Variants in RUNX2 observed in about 807,000 individuals in gnomAD.
The protein encoded by RUNX2 is RUNX family transcription factor 2, also known as runt-related transcription factor 2.
A neutral mutation model predicts 51.7 loss-of-function variants in RUNX2; 10 were observed. That is an observed-to-expected ratio of 0.19 (90% CI 0.12 to 0.33). The LOEUF is 0.33. Ranked by LOEUF, RUNX2 falls within the 10% of genes least tolerant of loss-of-function variation. The pLI is 1.00. For synonymous variants in RUNX2, 276 were observed against 273.6 expected (o/e 1.01, Z -0.09); for missense variants, 562 against 691.3 (o/e 0.81, Z 2.10).
At chr6:45,498,833 T>A (rs1228164390) in intron 6 of RUNX2, among the ~76,000 whole-genome samples, 1 of 152,230 alleles carries the variant, frequency 6.6e-6, no homozygotes, top group Non-Finnish European at 1.5e-5. Context: ...ACTAGTGTAA[T>A]CCTTTCAGAA....
intron 2 of RUNX2, among the ~76,000 whole-genome samples, chr6:45,339,197 G>T (rs1021733248): frequency 6.6e-6 from 1 of 152,064 alleles, no homozygotes; most frequent in Non-Finnish European, 1.5e-5. Context: ...TTCCATTAAA[G>T]AATTCACTAG....
chr6:45,545,177 G>A (rs779180016), intron 7 of RUNX2, 40 bp from the exon 8 acceptor site: 1 of 1,459,416 alleles, frequency 6.9e-7, no homozygotes, highest in South Asian at 1.2e-5. Context: ...GAACATTAGA[G>A]CTGGAAGGGA....
chr6:45,412,681 T>TA (rs1414263309), intron 2 of RUNX2, among the ~76,000 whole-genome samples: 1 of 152,152 alleles, frequency 6.6e-6, no homozygotes, highest in Non-Finnish European at 1.5e-5. Context: ...CTACTTTTTT[T>TA]TTTTTACTCT....
chr6:45,444,252 A>G (rs2150375945), intron 5 of RUNX2, among the ~76,000 whole-genome samples: 1 of 152,304 alleles, frequency 6.6e-6, no homozygotes, highest in Non-Finnish European at 1.5e-5. Context: ...GTTTCTAAAA[A>G]TTTTTGTGTG....
intron 7 of RUNX2, among the ~76,000 whole-genome samples, chr6:45,518,754 G>A (rs1801410034): frequency 6.6e-6 from 1 of 152,080 alleles, no homozygotes; most frequent in Admixed American, 6.5e-5. Flanking sequence ...GCTTTTGCAG[G>A]GATGGCAAAC....
At chr6:45,512,673 A>G (rs1801198198) in intron 7 of RUNX2, among the ~76,000 whole-genome samples, 1 of 152,064 alleles carries the variant, frequency 6.6e-6, no homozygotes, top group Non-Finnish European at 1.5e-5. Context: ...GCTGAATTGT[A>G]TCCCATTTGG....
At chr6:45,374,524 C>T (rs1441539775) in intron 2 of RUNX2, among the ~76,000 whole-genome samples, 3 of 152,176 alleles carry the variant, frequency 2.0e-5, no homozygotes, top group African/African-American at 7.2e-5. Flanking sequence ...ATATTTTACC[C>T]ACTTCAGTAT....
chr6:45,403,670 G>C (rs925723650), intron 2 of RUNX2, among the ~76,000 whole-genome samples: 4 of 151,982 alleles, frequency 2.6e-5, no homozygotes, highest in African/African-American at 9.7e-5. Flanking sequence ...AGTCTTTATT[G>C]AATGCCCATT....
At chr6:45,354,070 C>T (rs1177366908) in intron 2 of RUNX2, among the ~76,000 whole-genome samples, 1 of 152,038 alleles carries the variant, frequency 6.6e-6, no homozygotes, top group Non-Finnish European at 1.5e-5. Context: ...GGGAGGTGCT[C>T]TCATAACTTG....
intron 6 of RUNX2, among the ~76,000 whole-genome samples, chr6:45,503,928 A>G (rs1800874911): frequency 6.6e-6 from 1 of 152,162 alleles, no homozygotes; most frequent in African/African-American, 2.4e-5. Context: ...ATTGTCTTCT[A>G]AGTTTACTAA....
intron 2 of RUNX2, among the ~76,000 whole-genome samples, chr6:45,335,122 TG>T (rs1788293579): frequency 6.6e-6 from 1 of 151,252 alleles, no homozygotes; most frequent in Non-Finnish European, 1.5e-5. Flanking sequence ...CCATGTAACC[TG>T]GGTAAACAAT....
At chr6:45,415,879 T>C (rs1798060184) in intron 2 of RUNX2, among the ~76,000 whole-genome samples, 1 of 152,062 alleles carries the variant, frequency 6.6e-6, no homozygotes, top group Non-Finnish European at 1.5e-5. Context: ...CTGGCACACC[T>C]AGGGAAGAAA....
At chr6:45,537,734 A>T (rs1490124518) in intron 7 of RUNX2, among the ~76,000 whole-genome samples, 2 of 152,186 alleles carry the variant, frequency 1.3e-5, no homozygotes, top group Admixed American at 6.5e-5. Context: ...CCAGCCCATC[A>T]TCAAGCAGCT....
intron 2 of RUNX2, among the ~76,000 whole-genome samples, chr6:45,374,670 CA>C (rs1481379863): frequency 2.0e-5 from 3 of 152,130 alleles, no homozygotes; most frequent in African/African-American, 7.2e-5. Flanking sequence ...AAAATAAAAT[CA>C]GTGTTATTTC....
chr6:45,488,652 A>G (rs141688154), intron 5 of RUNX2, among the ~76,000 whole-genome samples: 1 of 152,314 alleles, frequency 6.6e-6, no homozygotes, highest in Non-Finnish European at 1.5e-5. Context: ...TGGGGCCTGG[A>G]CATCCATGTT....
At chr6:45,419,205 C>A (rs1465859615) in intron 2 of RUNX2, among the ~76,000 whole-genome samples, 1 of 152,214 alleles carries the variant, frequency 6.6e-6, no homozygotes, top group African/African-American at 2.4e-5. Flanking sequence ...CAGGAATTCT[C>A]TGTTCTATGG....
chr6:45,422,843 G>T lies in RUNX2; in HGVS notation c.309G>T (p.Val103=). 6.2e-7 allele frequency: 1 copy of T among 1,610,776 alleles called. No homozygotes were observed. ...LRPPHDNRTM[V]EIIADHPAEL... ...CGCCCCACGACAACCGCACCATGGT[G>T]GAGATCATCGCCGACCACCCGGCCG... The change falls in exon 3 of 9, where the codon GTG becomes GTT. Residue 103 remains valine (V), a synonymous_variant. Coordinates refer to ENST00000647337, the MANE Select transcript of RUNX2 (RefSeq NM_001024630.4).
chr6:45,506,397 TG>T (rs1211141002), intron 6 of RUNX2, among the ~76,000 whole-genome samples: 2 of 152,118 alleles, frequency 1.3e-5, no homozygotes, highest in Admixed American at 1.3e-4. Context: ...GGAGAGAAGT[TG>T]GTGGAGAAAT....
chr6:45,411,635 A>G (rs1797952908), intron 2 of RUNX2, among the ~76,000 whole-genome samples: 1 of 152,186 alleles, frequency 6.6e-6, no homozygotes, highest in South Asian at 2.1e-4. Context: ...AGCCTTTGAA[A>G]AAAAGATATT....
Sources: allele counts gnomAD v4.1 joint callset (sites outside exome capture counted in the v4.1 genomes callset), GRCh38; gene constraint gnomAD v4.1.1; transcripts MANE v1.5; gene names NCBI Gene and HGNC (gene_info 2026-07-23, HGNC 2026-07-21).